The following RBFOX1 variants were observed in gnomAD, a reference collection of about 807,000 sequenced individuals.
RBFOX1 encodes the protein RNA binding protein fox-1 homolog 1.
RBFOX1 carries 8 observed loss-of-function variants against 57.7 expected under a neutral mutation model. The observed-to-expected ratio is 0.14, with a 90% CI of 0.08 to 0.25. The LOEUF is 0.25. Ranked by LOEUF, RBFOX1 falls within the 10% of genes least tolerant of loss-of-function variation. The probability of loss-of-function intolerance (pLI) is 1.00; values close to 1 mark genes in which losing one functional copy is unlikely to be tolerated. For synonymous variants in RBFOX1, 326 were observed against 222.4 expected (o/e 1.47, Z -4.15); for missense variants, 611 against 548.5 (o/e 1.11, Z -1.14).
intron 1 of RBFOX1, among the ~76,000 whole-genome samples, chr16:5,311,268 ATATT>A (rs2064081635): frequency 6.6e-6 from 1 of 152,180 alleles, no homozygotes; most frequent in Non-Finnish European, 1.5e-5. Flanking sequence ...ACACACATAT[ATATT>A]AATATCACAT....
chr16:7,128,810 T>A lies in RBFOX1; in HGVS notation c.27+76712T>A, dbSNP rs528611901. On this transcript the variant is annotated intron_variant, in intron 4 of 15. Transcript: ENST00000550418. ...GTCTGACATAATGGTAACTTTTTTT[T>A]CTTTTTACTTTTTTTTTTTTTTTTT... 4.3e-5 allele frequency among the ~76,000 whole-genome samples: 6 copies of A among 141,150 alleles called. No homozygotes were observed. In the East Asian group the frequency reaches 1.3e-3, roughly 30 times the overall value. The allele number at this position is 141,150 out of a possible 152,430, so 92.6% of individuals were successfully genotyped here.
chr16:7,109,392 G>C (rs2151535846), intron 4 of RBFOX1, among the ~76,000 whole-genome samples: 1 of 152,138 alleles, frequency 6.6e-6, no homozygotes, highest in Admixed American at 6.5e-5. Context: ...TGAGATTATT[G>C]AGTTACCAAC....
intron 3 of RBFOX1, among the ~76,000 whole-genome samples, chr16:5,711,508 G>A (rs775161852): frequency 1.3e-5 from 2 of 152,172 alleles, no homozygotes; most frequent in African/African-American, 2.4e-5. Flanking sequence ...GTTGGGGTGC[G>A]ATTCAAAGCA....
intron 1 of RBFOX1, among the ~76,000 whole-genome samples, chr16:5,273,036 G>A (rs1254995083): frequency 6.6e-6 from 1 of 152,180 alleles, no homozygotes; most frequent in Non-Finnish European, 1.5e-5. Context: ...GCTGGTGGCA[G>A]TGGGCTGGGT....
chr16:5,448,009 TA>T (rs2068303595), intron 1 of RBFOX1, among the ~76,000 whole-genome samples: 1 of 152,162 alleles, frequency 6.6e-6, no homozygotes, highest in Non-Finnish European at 1.5e-5. Flanking sequence ...CCTGTTTAAT[TA>T]ATTGAATCTG....
At chr16:6,081,034 G>A (rs1014090571) in intron 1 of RBFOX1, among the ~76,000 whole-genome samples, 7 of 152,124 alleles carry the variant, frequency 4.6e-5, no homozygotes, top group Admixed American at 1.3e-4. Context: ...TTTACTTGAC[G>A]GAGTCATGTG....
chr16:6,940,718 C>T (rs1165274109), intron 3 of RBFOX1, among the ~76,000 whole-genome samples: 2 of 151,860 alleles, frequency 1.3e-5, no homozygotes, highest in African/African-American at 4.8e-5. Context: ...CTGCCTCAGC[C>T]TCCCGAGTAG....
chr16:7,478,938 T>C (rs1006030318), intron 4 of RBFOX1, among the ~76,000 whole-genome samples: 13 of 152,108 alleles, frequency 8.5e-5, no homozygotes, highest in Middle Eastern at 3.4e-3. Flanking sequence ...CATCATTTCG[T>C]TTGTTCCCGT....
chr16:5,662,064 G>A (rs931826256), intron 3 of RBFOX1, among the ~76,000 whole-genome samples: 11 of 152,100 alleles, frequency 7.2e-5, no homozygotes, highest in African/African-American at 2.7e-4. Context: ...GGGATTACAG[G>A]CATGAGCTAC....
intron 2 of RBFOX1, among the ~76,000 whole-genome samples, chr16:5,493,133 G>C (rs752715504): frequency 6.6e-6 from 1 of 152,226 alleles, no homozygotes; most frequent in African/African-American, 2.4e-5. Context: ...TACAGAAAAA[G>C]TGTGTTGACA....
intron 3 of RBFOX1, among the ~76,000 whole-genome samples, chr16:6,824,558 A>G (rs1330147417): frequency 2.0e-5 from 3 of 151,766 alleles, no homozygotes; most frequent in Non-Finnish European, 4.4e-5. Context: ...TCTTAATAAT[A>G]ATCATAATAA....
intron 1 of RBFOX1, among the ~76,000 whole-genome samples, chr16:6,115,562 C>G (rs1453690338): frequency 6.6e-6 from 1 of 152,108 alleles, no homozygotes; most frequent in Non-Finnish European, 1.5e-5. Flanking sequence ...CCCCTCTGTC[C>G]TTGCATGGCA....
intron 1 of RBFOX1, among the ~76,000 whole-genome samples, chr16:6,145,328 C>T (rs566575845): frequency 1.3e-5 from 2 of 152,158 alleles, no homozygotes; most frequent in African/African-American, 4.8e-5. Flanking sequence ...AGGATAAAGG[C>T]CTCCAACTCC....
At chr16:5,329,675 C>A (rs77457409) in intron 1 of RBFOX1, among the ~76,000 whole-genome samples, 3,997 of 152,300 alleles carry the variant, frequency 0.026, 185 homozygotes, top group African/African-American at 0.091. Flanking sequence ...AAATTCATTT[C>A]TCAGTTCTGG....
intron 3 of RBFOX1, among the ~76,000 whole-genome samples, chr16:6,870,339 A>C (rs768023789): frequency 3.3e-5 from 5 of 152,138 alleles, no homozygotes; most frequent in Non-Finnish European, 5.9e-5. Context: ...AGGAAACAGA[A>C]ATCTGATATT....
intron 1 of RBFOX1, among the ~76,000 whole-genome samples, chr16:5,268,249 G>T (rs371408724): frequency 6.6e-6 from 1 of 151,752 alleles, no homozygotes; most frequent in Non-Finnish European, 1.5e-5. Flanking sequence ...TTTGTGCTTC[G>T]TACCTACAAG....
chr16:5,301,353 C>G (rs1271503979), intron 1 of RBFOX1, among the ~76,000 whole-genome samples: 1 of 152,100 alleles, frequency 6.6e-6, no homozygotes, highest in Non-Finnish European at 1.5e-5. Flanking sequence ...GGTGCGGTGG[C>G]TCATGCCTGT....
In RBFOX1 at chr16:6,125,515, T is replaced by C. The variant is rs1455440625; in HGVS notation, c.-127+105523T>C. Among the ~76,000 whole-genome samples, 4 of 152,328 alleles carry C rather than the reference T, an allele frequency of 2.6e-5. No homozygotes were observed. The East Asian group carries it at 7.7e-4, about 29-fold the overall frequency. On this transcript the variant is annotated intron_variant, in intron 1 of 15. Coordinates refer to ENST00000550418, the MANE Select transcript of RBFOX1 (RefSeq NM_018723.4). The stretch of plus-strand genomic sequence containing the variant: ...TTTACAAGGGGCCCTAAACTGAGGA[T>C]AACCCTTGGAGAGTTAAACAATGTG...
chr16:7,170,748 G>A (rs949515838), intron 4 of RBFOX1, among the ~76,000 whole-genome samples: 1 of 151,768 alleles, frequency 6.6e-6, no homozygotes, highest in African/African-American at 2.4e-5. Flanking sequence ...TTGGTTGAAT[G>A]AATGTCTTCA....
Sources: gnomAD v4.1 joint callset for allele counts (sites outside exome capture counted in the v4.1 genomes callset) on GRCh38, gnomAD v4.1.1 for gene constraint, MANE v1.5 for transcripts, NCBI Gene and HGNC (gene_info 2026-07-23, HGNC 2026-07-21) for gene names.